DPP10: variants seen among roughly 807,000 people sequenced by gnomAD.
The protein encoded by DPP10 is dipeptidyl peptidase like 10, also known as inactive dipeptidyl peptidase 10.
A neutral mutation model predicts 120.9 loss-of-function variants in DPP10; 33 were observed. The observed-to-expected ratio is 0.27, with a 90% confidence interval of 0.21 to 0.37. DPP10 has a LOEUF of 0.37. DPP10 is among the 10% of genes least tolerant of loss of function. DPP10 has a pLI of 1.00. For missense variants in DPP10, 816 were observed against 942.8 expected, an observed-to-expected ratio of 0.87 and a Z score of 1.76; for synonymous variants, 337 against 326.1, an observed-to-expected ratio of 1.03 and a Z score of -0.36.
intron 1 of DPP10, among the ~76,000 whole-genome samples, chr2:114,494,854 G>C (rs1490633148): frequency 6.6e-6 from 1 of 152,088 alleles, no homozygotes; most frequent in Non-Finnish European, 1.5e-5. Context: ...TGATAGAATG[G>C]GCCAGGGTTT....
At chr2:114,568,170 C>A (rs967572281) in intron 1 of DPP10, among the ~76,000 whole-genome samples, 5 of 149,434 alleles carry the variant, frequency 3.3e-5, no homozygotes, top group African/African-American at 1.2e-4. Flanking sequence ...AGTTTTTTTT[C>A]TTTTATTGAT....
rs774365991 is a variant in DPP10, at chr2:115,782,336, T to C, written c.1484-16T>C. ...ACATCTTTAAAAATATTTATACACA[T>C]ATTTTTAAATTCCAGGTCCAAGGGT... On this transcript the variant is annotated splice_polypyrimidine_tract_variant and intron_variant, in intron 16 of 25. Coordinates refer to ENST00000410059, the MANE Select transcript of DPP10 (RefSeq NM_020868.6). The C allele has an allele frequency of 2.0e-5, 32 of 1,604,850 alleles. 1 individual carries two copies. In the Admixed American group the frequency reaches 3.3e-4, roughly 17 times the overall value.
At chr2:114,718,144 ATAT>A (rs1413458413) in intron 1 of DPP10, among the ~76,000 whole-genome samples, 1 of 152,024 alleles carries the variant, frequency 6.6e-6, no homozygotes, top group African/African-American at 2.4e-5. Context: ...TGGTTTTCAA[ATAT>A]TACATCTCTC....
At chr2:115,491,184 T>A (rs1397736809) in intron 3 of DPP10, among the ~76,000 whole-genome samples, 2 of 151,910 alleles carry the variant, frequency 1.3e-5, no homozygotes, top group Non-Finnish European at 2.9e-5. Context: ...ACGAAAGAAC[T>A]ATTGCAATAT....
rs190186665 is a variant in DPP10, at chr2:115,024,130, A to G, written c.61-285109A>G. 4.5e-4 allele frequency among the ~76,000 whole-genome samples: 68 copies of G among 152,188 alleles called. No individual in the cohort carries two copies. The South Asian group carries it at 5.6e-3, about 13-fold the overall frequency. On this transcript the variant is annotated intron_variant, in intron 1 of 25. Transcript: ENST00000410059. ...AAGGAACTTATTCAGGTAACCAAAC[A>G]CCACCTGTTCCCCAAAAACCTATTA...
intron 5 of DPP10, among the ~76,000 whole-genome samples, chr2:115,543,159 A>G (rs1032021629): frequency 6.6e-6 from 1 of 152,042 alleles, no homozygotes; most frequent in Non-Finnish European, 1.5e-5. Flanking sequence ...ATCAGAGGAC[A>G]TTGCATCACA....
chr2:115,672,950 C>T (rs1394179766), intron 5 of DPP10, among the ~76,000 whole-genome samples: 6 of 151,774 alleles, frequency 4.0e-5, no homozygotes, highest in Admixed American at 2.0e-4. Flanking sequence ...GGTTGCACCA[C>T]GCTGGCCAGG....
chr2:114,619,770 T>G (rs1693955548), intron 1 of DPP10, among the ~76,000 whole-genome samples: 1 of 151,998 alleles, frequency 6.6e-6, no homozygotes, highest in Non-Finnish European at 1.5e-5. Context: ...TTCTTCAGTT[T>G]CTACTTGCAG....
intron 1 of DPP10, among the ~76,000 whole-genome samples, chr2:115,218,483 A>G: frequency 6.6e-6 from 1 of 152,104 alleles, no homozygotes; most frequent in East Asian, 1.9e-4. Flanking sequence ...CTTAGGAAAA[A>G]TGTATTTCTT....
chr2:115,690,824 C>A (rs1378196397), intron 7 of DPP10, among the ~76,000 whole-genome samples: 1 of 152,160 alleles, frequency 6.6e-6, no homozygotes, highest in Non-Finnish European at 1.5e-5. Flanking sequence ...CTCAGATGTA[C>A]TGAGCATCAC....
At chr2:114,917,850 A>T (rs984619398) in intron 1 of DPP10, among the ~76,000 whole-genome samples, 5 of 152,170 alleles carry the variant, frequency 3.3e-5, no homozygotes, top group African/African-American at 1.2e-4. Context: ...AAAGTATAAA[A>T]ATTCCTAGGA....
chr2:114,573,678 G>T (rs1689830731), intron 1 of DPP10, among the ~76,000 whole-genome samples: 1 of 152,160 alleles, frequency 6.6e-6, no homozygotes, highest in Non-Finnish European at 1.5e-5. Context: ...TTTAAGGGCT[G>T]CTAGGAAAGC....
chr2:114,702,912 C>G (rs577106742), intron 1 of DPP10, among the ~76,000 whole-genome samples: 1 of 152,092 alleles, frequency 6.6e-6, no homozygotes, highest in Non-Finnish European at 1.5e-5. Flanking sequence ...TTGTTCACAT[C>G]AAAATCTTCA....
intron 1 of DPP10, among the ~76,000 whole-genome samples, chr2:114,951,243 A>G (rs1056161485): frequency 1.1e-4 from 17 of 152,206 alleles, no homozygotes; most frequent in Admixed American, 7.2e-4. Context: ...GGCTCAGCTC[A>G]AGAAAGCTCA....
intron 11 of DPP10, among the ~76,000 whole-genome samples, chr2:115,753,929 C>G (rs1471668785): frequency 2.6e-5 from 4 of 152,100 alleles, no homozygotes; most frequent in African/African-American, 9.7e-5. Context: ...AGATTAACAA[C>G]TGAATTTTCA....
intron 3 of DPP10, among the ~76,000 whole-genome samples, chr2:115,443,614 G>T (rs1460870082): frequency 6.6e-6 from 1 of 152,162 alleles, no homozygotes; most frequent in Admixed American, 6.6e-5. Context: ...AGTAATTTAG[G>T]TCAAGATTAT....
At chr2:115,244,336 A>G (rs541788907) in intron 1 of DPP10, among the ~76,000 whole-genome samples, 57 of 150,876 alleles carry the variant, frequency 3.8e-4, no homozygotes, top group African/African-American at 1.4e-3. Flanking sequence ...TTTTTGAATT[A>G]CTTTTACAAT....
Position 115,543,549 on chromosome 2 carries a change from A to G in DPP10, c.441+17577A>G, listed in dbSNP as rs143964359. On this transcript the variant is annotated intron_variant, in intron 5 of 25. Transcript: ENST00000410059. ...AGATATTTGATTTCTTTAATTCTGT[A>G]CTATGTAATTGGAAGCTTACATTTT... Among the ~76,000 whole-genome samples, 529 of 152,118 alleles carry G rather than the reference A, an allele frequency of 3.5e-3. 2 individuals are homozygous for G. The highest frequency in any genetic ancestry group is 0.012 in the African/African-American group (493 of 41,546).
At chr2:115,511,720 TTCTTCTTCTTC>T (rs2077233979) in intron 4 of DPP10, among the ~76,000 whole-genome samples, 4 of 128,432 alleles carry the variant, frequency 3.1e-5, no homozygotes, top group African/African-American at 9.5e-5. Flanking sequence ...CTTCTTCTTC[TTCTTCTTCTTC>T]TTTTTTTTTT....
Sources: allele counts gnomAD v4.1 joint callset (sites outside exome capture counted in the v4.1 genomes callset), GRCh38; gene constraint gnomAD v4.1.1; transcripts MANE v1.5; gene names NCBI Gene and HGNC (gene_info 2026-07-23, HGNC 2026-07-21).